Variants in VPS13B observed in about 807,000 individuals in gnomAD.
The protein encoded by VPS13B is vacuolar protein sorting 13 homolog B.
A neutral mutation model predicts 426.4 loss-of-function variants in VPS13B; 285 were observed. That is an observed-to-expected ratio of 0.67 (90% CI 0.61 to 0.74). VPS13B has a LOEUF of 0.74. VPS13B is among the 30% of genes least tolerant of loss of function. The pLI is 0.00. For synonymous variants in VPS13B, 1,676 were observed against 1,676.4 expected (o/e 1.00, Z 0.01); for missense variants, 4,537 against 4,782.6 (o/e 0.95, Z 1.51).
intron 3 of VPS13B, 21 bp downstream of exon 3, chr8:99,038,587 G>A (rs747871673): frequency 1.3e-6 from 2 of 1,561,138 alleles, no homozygotes; most frequent in South Asian, 2.2e-5. Context: ...ATTGAACCAA[G>A]TTGTTTATGT....
intron 19 of VPS13B, among the ~76,000 whole-genome samples, chr8:99,371,162 C>T (rs1364442790): frequency 6.6e-6 from 1 of 152,158 alleles, no homozygotes; most frequent in African/African-American, 2.4e-5. Context: ...TAAAAGACTA[C>T]TACCATTTTG....
chr8:99,740,667 T>C (rs536981776), intron 39 of VPS13B, among the ~76,000 whole-genome samples: 13 of 152,302 alleles, frequency 8.5e-5, no homozygotes, highest in African/African-American at 2.9e-4. Flanking sequence ...GGGGCCAATA[T>C]TCAACATTCT....
At chr8:99,430,260 A>G (rs1283258997) in intron 21 of VPS13B, among the ~76,000 whole-genome samples, 1 of 152,224 alleles carries the variant, frequency 6.6e-6, no homozygotes, top group East Asian at 1.9e-4. Flanking sequence ...TTAGGGGGAG[A>G]GGGGAAGTAT....
In VPS13B at chr8:99,291,580, A is replaced by G. The variant is rs72672350; in HGVS notation, c.2824+16326A>G. On this transcript the variant is annotated intron_variant, in intron 19 of 61. Coordinates refer to ENST00000357162, the MANE Select transcript of VPS13B (RefSeq NM_152564.5). ...GTACAGGGCCCTGGTCAAGTAGTCT[A>G]TATACACATACAACTAATTCTAATT... Among the ~76,000 whole-genome samples, 551 of 152,272 alleles carry G rather than the reference A, an allele frequency of 3.6e-3. 3 individuals are homozygous for G. Among genetic ancestry groups the G allele is most frequent in the Non-Finnish European group, 5.9e-3 (403 of 68,000 alleles).
In VPS13B at chr8:99,511,284, C is replaced by G. The variant is rs1408817667; in HGVS notation, c.4405C>G (p.Leu1469Val). ...GSPHFLHEILLSAQAFDIVLY... is the reference protein window; with the variant it reads ...GSPHFLHEILVSAQAFDIVLY... ...TCCTCATTTTCTTCATGAAATTCTTCTTTCAGCACAAGCTTTTGATATTGT... is the reference window on the plus strand; with the variant it reads ...TCCTCATTTTCTTCATGAAATTCTTGTTTCAGCACAAGCTTTTGATATTGT... Residue 1469 changes from leucine to valine, a missense_variant, in exon 29 of 62, where the codon CTT becomes GTT. Physicochemically the swap from Leu to Val is conservative, Grantham distance 32. Coordinates refer to ENST00000357162, the MANE Select transcript of VPS13B (RefSeq NM_152564.5). 6.2e-7 allele frequency: 1 copy of G among 1,613,900 alleles called. No individual in the cohort carries two copies. Among genetic ancestry groups the G allele is most frequent in the Non-Finnish European group, 8.5e-7 (1 of 1,179,984 alleles).
At chr8:99,113,634 G>A (rs771350229) in intron 6 of VPS13B, among the ~76,000 whole-genome samples, 5 of 151,934 alleles carry the variant, frequency 3.3e-5, no homozygotes, top group Admixed American at 1.3e-4. Context: ...GCATGATCTC[G>A]GCTCACTGCA....
intron 39 of VPS13B, among the ~76,000 whole-genome samples, chr8:99,762,083 T>G (rs1810960882): frequency 6.6e-6 from 1 of 152,106 alleles, no homozygotes; most frequent in Non-Finnish European, 1.5e-5. Context: ...CTGGGTGCAG[T>G]GGCACAATCA....
At chr8:99,334,723 G>A (rs1449891960) in intron 19 of VPS13B, among the ~76,000 whole-genome samples, 1 of 152,094 alleles carries the variant, frequency 6.6e-6, no homozygotes, top group Non-Finnish European at 1.5e-5. Flanking sequence ...TGATCATGGT[G>A]GATAAGCTTT....
At chr8:99,309,901 C>T (rs923425493) in intron 19 of VPS13B, among the ~76,000 whole-genome samples, 3 of 152,084 alleles carry the variant, frequency 2.0e-5, no homozygotes, top group Non-Finnish European at 2.9e-5. Context: ...CCTTCACATC[C>T]GTTGTAAGAT....
rs551143571 is a variant in VPS13B at position 99,784,074 on chromosome 8, G to A, written c.7780-241G>A. ...TCTCATTGTTCTTTTACTCTTCAGC[G>A]TGTATGATTTATTTTGAGGGAGTAT... is the stretch of plus-strand genomic sequence containing the variant. On this transcript the variant is annotated intron_variant, in intron 42 of 61. Transcript: ENST00000357162. Among the ~76,000 whole-genome samples the A allele has an allele frequency of 4.3e-4, 66 of 152,244 alleles. No homozygotes were observed. The highest frequency in any genetic ancestry group is 1.4e-3 in the African/African-American group (59 of 41,550).
At chr8:99,185,812 GA>G (rs963608398) in intron 16 of VPS13B, among the ~76,000 whole-genome samples, 8 of 152,098 alleles carry the variant, frequency 5.3e-5, no homozygotes, top group Non-Finnish European at 1.0e-4. Context: ...TTAGAAGAAG[GA>G]ATTTTTTTTT....
intron 2 of VPS13B, among the ~76,000 whole-genome samples, chr8:99,028,397 C>T (rs537945845): frequency 1.3e-5 from 2 of 148,990 alleles, no homozygotes; most frequent in Admixed American, 6.6e-5. Context: ...GGGGCTGACC[C>T]CCCCCACCTC....
intron 16 of VPS13B, among the ~76,000 whole-genome samples, chr8:99,170,784 A>C (rs1812286731): frequency 6.6e-6 from 1 of 151,550 alleles, no homozygotes; most frequent in Non-Finnish European, 1.5e-5. Flanking sequence ...ATATTGTTTA[A>C]ATATATAAAA....
At chr8:99,238,438 G>T (rs1488998170) in intron 17 of VPS13B, among the ~76,000 whole-genome samples, 1 of 152,212 alleles carries the variant, frequency 6.6e-6, no homozygotes, top group Admixed American at 6.5e-5. Flanking sequence ...CATGGGGCAA[G>T]CTTAGGTGAA....
chr8:99,669,452 G>A (rs969840473), intron 35 of VPS13B, among the ~76,000 whole-genome samples: 2 of 151,910 alleles, frequency 1.3e-5, no homozygotes, highest in Non-Finnish European at 2.9e-5. Flanking sequence ...TGACAACAAA[G>A]AACAAAAATG....
intron 39 of VPS13B, among the ~76,000 whole-genome samples, chr8:99,764,173 T>A (rs1227754876): frequency 6.6e-6 from 1 of 152,072 alleles, no homozygotes; most frequent in East Asian, 1.9e-4. Flanking sequence ...AACATATAAA[T>A]AAGTAATTAC....
At chr8:99,470,991 A>G (rs1005619266) in intron 24 of VPS13B, among the ~76,000 whole-genome samples, 2 of 152,154 alleles carry the variant, frequency 1.3e-5, no homozygotes, top group Non-Finnish European at 2.9e-5. Context: ...CACAGGAGAC[A>G]GAAGACATTG....
intron 23 of VPS13B, among the ~76,000 whole-genome samples, chr8:99,462,803 G>A (rs140407688): frequency 5.9e-5 from 9 of 152,244 alleles, no homozygotes; most frequent in Non-Finnish European, 1.0e-4. Flanking sequence ...AGATGAAGAG[G>A]AAGAAATACC....
intron 33 of VPS13B, among the ~76,000 whole-genome samples, chr8:99,636,836 G>A (rs952100858): frequency 4.6e-5 from 7 of 151,996 alleles, no homozygotes; most frequent in African/African-American, 7.2e-5. Flanking sequence ...TGAAAGGGAC[G>A]CAAAGTACAT....
Sources: allele counts gnomAD v4.1 joint callset (sites outside exome capture counted in the v4.1 genomes callset), GRCh38; gene constraint gnomAD v4.1.1; transcripts MANE v1.5; gene names NCBI Gene and HGNC (gene_info 2026-07-23, HGNC 2026-07-21).